Variants in KCNMB1 observed in about 807,000 individuals in gnomAD.
KCNMB1 encodes the protein potassium calcium-activated channel subfamily M regulatory beta subunit 1, also known as calcium-activated potassium channel subunit beta-1.
A neutral mutation model predicts 21.7 loss-of-function variants in KCNMB1; 22 were observed. The observed-to-expected ratio is 1.01, with a 90% CI of 0.72 to 1.45. The LOEUF (loss-of-function observed/expected upper bound fraction) is 1.45. Among genes scored for constraint, KCNMB1 ranks in the 40% most tolerant of loss-of-function variants. KCNMB1 has a pLI of 0.00. For synonymous variants in KCNMB1, 114 were observed against 107.6 expected (o/e 1.06, Z -0.37); for missense variants, 243 against 243.4 (o/e 1.00, Z 0.01).
rs1180988601 is a variant in KCNMB1, at chr5:170,375,067, A to G, written c.*3637T>C. ...AAACCATTGACAAAATAGACCCTTT[A>G]AATCAGACTCCAAGTTGGGACTTCC... On this transcript the variant is annotated 3_prime_UTR_variant, in exon 4 of 4. Transcript: ENST00000274629. 1 of 152,182 alleles carries G rather than the reference A, an allele frequency of 6.6e-6. No individual in the cohort carries two copies. Among genetic ancestry groups the G allele is most frequent in the Non-Finnish European group, 1.5e-5 (1 of 68,026 alleles). 9.4% of individuals were successfully genotyped at this position (152,182 alleles called of 1,614,324 possible).
intron 1 of KCNMB1, among the ~76,000 whole-genome samples, chr5:170,387,527 C>G (rs577404971): frequency 6.6e-6 from 1 of 152,190 alleles, no homozygotes; most frequent in South Asian, 2.1e-4. Context: ...CCCTATCGAT[C>G]GGCAGAGGTG....
At chr5:170,382,257 A>G (rs1764272947) in intron 3 of KCNMB1, among the ~76,000 whole-genome samples, 1 of 152,122 alleles carries the variant, frequency 6.6e-6, no homozygotes, top group South Asian at 2.1e-4. Flanking sequence ...CAACCTTAGA[A>G]TCACCTTGGG....
At position 170,382,707 on chromosome 5, in the gene KCNMB1, G is replaced by T. The variant is rs533844029; in HGVS notation, c.306+972C>A. The T allele has an allele frequency of 5.4e-5, 8 of 149,504 alleles. No homozygotes were observed. The East Asian group carries it at 1.6e-3, about 29-fold the overall frequency. The allele number at this position is 149,504 out of a possible 1,614,324, so 9.3% of individuals were successfully genotyped here. A position where few individuals can be genotyped will look rare whatever the true frequency, so the allele number is the denominator to read the frequency against. The stretch of plus-strand genomic sequence containing the variant: ...GAGTTTCACTCTTGTTGCCAGGCTG[G>T]AGTGCAATGGTGCAATCTCACCAAG... On this transcript the variant is annotated intron_variant, in intron 3 of 3. Coordinates refer to ENST00000274629, the MANE Select transcript of KCNMB1 (RefSeq NM_004137.4).
At position 170,379,070 on chromosome 5, in the gene KCNMB1, G is replaced by A. The variant is rs1443294496; in HGVS notation, c.307-97C>T. 90 of 1,443,654 alleles carry A rather than the reference G, an allele frequency of 6.2e-5. No homozygotes were observed. The East Asian group carries it at 1.5e-3, about 24-fold the overall frequency. 89.4% of individuals were successfully genotyped at this position (1,443,654 alleles called of 1,614,324 possible). A position where few individuals can be genotyped will look rare whatever the true frequency, so the allele number is the denominator to read the frequency against. On this transcript the variant is annotated intron_variant, in intron 3 of 3. Transcript: ENST00000274629. ...AAAGAAAAATACCAGCTTTGTAGTC[G>A]GGCCCCTGGATTGGAGTCGGGGCTT...
chr5:170,375,380 A>G lies in KCNMB1; in HGVS notation c.*3324T>C, dbSNP rs962729739. 3.9e-5 allele frequency: 6 copies of G among 152,270 alleles called. No homozygotes were observed. The highest frequency in any genetic ancestry group is 1.4e-4 in the African/African-American group (6 of 41,474). 9.4% of individuals were successfully genotyped at this position (152,270 alleles called of 1,614,324 possible). On this transcript the variant is annotated 3_prime_UTR_variant, in exon 4 of 4. Coordinates refer to ENST00000274629, the MANE Select transcript of KCNMB1 (RefSeq NM_004137.4). ...TCCACCAGGTAAGAAACTGGAGGCCACAGGGATACCTCTGGGCTCCCTGGC... is the reference window on the plus strand; with the variant it reads ...TCCACCAGGTAAGAAACTGGAGGCCGCAGGGATACCTCTGGGCTCCCTGGC...
chr5:170,384,870 GT>G (rs555787032), intron 2 of KCNMB1, among the ~76,000 whole-genome samples: 86 of 152,346 alleles, frequency 5.6e-4, no homozygotes, highest in African/African-American at 2.0e-3. Flanking sequence ...TGTATGTTCA[GT>G]GAGGCAAGGA....
rs1013326653 is a variant in KCNMB1, at chr5:170,378,652, G to A, written c.*52C>T. ...CTGCAAGTGGGGAGCAGCCCTGGGGGCCCAGCCAGTCCCCTGTGCCCTGAC... is the reference window on the plus strand; with the variant it reads ...CTGCAAGTGGGGAGCAGCCCTGGGGACCCAGCCAGTCCCCTGTGCCCTGAC... On this transcript the variant is annotated 3_prime_UTR_variant, in exon 4 of 4. Coordinates refer to ENST00000274629, the MANE Select transcript of KCNMB1 (RefSeq NM_004137.4). The A allele has an allele frequency of 8.4e-6, 13 of 1,538,930 alleles. No homozygotes were observed. Among genetic ancestry groups the A allele is most frequent in the East Asian group, 4.5e-5 (2 of 44,368 alleles).
At chr5:170,388,928 C>T (rs373883009) in intron 1 of KCNMB1, among the ~76,000 whole-genome samples, 187 of 152,312 alleles carry the variant, frequency 1.2e-3, no homozygotes, top group African/African-American at 4.0e-3. Context: ...GAAGTCTGGA[C>T]CCCTCTTGAT....
rs1763959585 is a variant in KCNMB1, at chr5:170,375,316, T to C, written c.*3388A>G. 1 of 152,058 alleles carries C rather than the reference T, an allele frequency of 6.6e-6. No individual in the cohort carries two copies. The highest frequency in any genetic ancestry group is 1.5e-5 in the Non-Finnish European group (1 of 68,000). The allele number at this position is 152,058 out of a possible 1,614,324, so 9.4% of individuals were successfully genotyped here. ...CTTCCCTGACCCCAGAAGGAAAAAA[T>C]TCCAGGGAATGATGAGCTGCCTGCC... On this transcript the variant is annotated 3_prime_UTR_variant, in exon 4 of 4. Coordinates refer to ENST00000274629, the MANE Select transcript of KCNMB1 (RefSeq NM_004137.4).
In KCNMB1 at chr5:170,383,841, G is replaced by T; in HGVS notation, c.144C>A (p.Thr48=). Residue 48 remains threonine (T), a synonymous_variant, in exon 3 of 4, where the codon ACC becomes ACA. Transcript: ENST00000274629. The part of the protein sequence containing the change: ...VLPLYQKSVW[T]QESKCHLIET... ...CAATCAGGTGGCACTTGGATTCCTG[G>T]GTCCACACGCTGAGGAGACCACACA... The T allele has an allele frequency of 5.6e-6, 9 of 1,613,824 alleles. No homozygotes were observed. The highest frequency in any genetic ancestry group is 7.6e-6 in the Non-Finnish European group (9 of 1,179,932).
rs1163785180 is a variant in KCNMB1, at chr5:170,378,527, C to T, written c.*177G>A. 1 of 736,882 alleles carries T rather than the reference C, an allele frequency of 1.4e-6. No homozygotes were observed. The highest frequency in any genetic ancestry group is 2.2e-6 in the Non-Finnish European group (1 of 448,228). The allele number at this position is 736,882 out of a possible 1,614,324, so 45.6% of individuals were successfully genotyped here. A position where few individuals can be genotyped will look rare whatever the true frequency, so the allele number is the denominator to read the frequency against. ...GAGCCACTGTACATTCTTGAGCAGG[C>T]AATGACTTCACAAAAGGATTTCTCA... On this transcript the variant is annotated 3_prime_UTR_variant, in exon 4 of 4. Coordinates refer to ENST00000274629, the MANE Select transcript of KCNMB1 (RefSeq NM_004137.4).
chr5:170,389,023 G>T (rs1764601491), intron 1 of KCNMB1, among the ~76,000 whole-genome samples: 1 of 152,168 alleles, frequency 6.6e-6, no homozygotes. Flanking sequence ...TGGCCACTCT[G>T]AGAACTGGGA....
In KCNMB1 at chr5:170,385,457, G is replaced by A. The variant is rs778974486; in HGVS notation, c.-10C>T. Reference sequence around the variant, plus strand: ...CCAGCTTCTTCACCATATTCACTGGGGGCAGTGATCATTTCTAGGTCCACA... The same window carrying A: ...CCAGCTTCTTCACCATATTCACTGGAGGCAGTGATCATTTCTAGGTCCACA... On this transcript the variant is annotated 5_prime_UTR_variant, in exon 2 of 4. Coordinates refer to ENST00000274629, the MANE Select transcript of KCNMB1 (RefSeq NM_004137.4). 3.7e-6 allele frequency: 6 copies of A among 1,614,056 alleles called. No individual in the cohort carries two copies.
chr5:170,383,289 T>C, intron 3 of KCNMB1: 1 of 434,454 alleles, frequency 2.3e-6, no homozygotes, highest in Non-Finnish European at 4.1e-6. Context: ...ACTGAGGTTG[T>C]AGAATGAAAG....
intron 3 of KCNMB1, among the ~76,000 whole-genome samples, chr5:170,382,318 G>A (rs1764275441): frequency 6.6e-6 from 1 of 152,200 alleles, no homozygotes; most frequent in African/African-American, 2.4e-5. Flanking sequence ...TATGTCTAGT[G>A]TTGGACCCTA....
chr5:170,384,434 A>C (rs1444812405), intron 2 of KCNMB1, among the ~76,000 whole-genome samples: 1 of 152,182 alleles, frequency 6.6e-6, no homozygotes, highest in Admixed American at 6.5e-5. Flanking sequence ...GATGGTGGGG[A>C]CAGTCTCTAG....
Position 170,378,636 on chromosome 5 carries a change from G to A in KCNMB1, c.*68C>T, listed in dbSNP as rs181390920. The stretch of plus-strand genomic sequence containing the variant: ...TGGAGAAGGCATTGTGCTGCAAGTG[G>A]GGAGCAGCCCTGGGGGCCCAGCCAG... On this transcript the variant is annotated 3_prime_UTR_variant, in exon 4 of 4. Transcript: ENST00000274629. The A allele has an allele frequency of 1.9e-4, 291 of 1,497,034 alleles. 1 individual carries two copies. In the East Asian group the frequency reaches 2.5e-3, roughly 13 times the overall value. 92.7% of individuals were successfully genotyped at this position (1,497,034 alleles called of 1,614,324 possible).
Position 170,377,531 on chromosome 5 carries a change from C to G in KCNMB1, c.*1173G>C, listed in dbSNP as rs920337236. 6.6e-6 allele frequency: 1 copy of G among 152,094 alleles called. No homozygotes were observed. Among genetic ancestry groups the G allele is most frequent in the Non-Finnish European group, 1.5e-5 (1 of 68,036 alleles). 9.4% of individuals were successfully genotyped at this position (152,094 alleles called of 1,614,324 possible). On this transcript the variant is annotated 3_prime_UTR_variant, in exon 4 of 4. Transcript: ENST00000274629. ...CTCAATTTAAATAACAAATCCTCCT[C>G]TATATCATGACCTTTCCTCCAGAGG...
intron 3 of KCNMB1, 189 bp downstream of exon 3, chr5:170,383,490 C>A: frequency 3.0e-6 from 2 of 661,800 alleles, no homozygotes; most frequent in South Asian, 3.5e-5. Flanking sequence ...AGCCAGTTAG[C>A]GGCAGATTCA....
Sources: gnomAD v4.1 joint callset for allele counts (sites outside exome capture counted in the v4.1 genomes callset) on GRCh38, gnomAD v4.1.1 for gene constraint, MANE v1.5 for transcripts, NCBI Gene and HGNC (gene_info 2026-07-23, HGNC 2026-07-21) for gene names.